Variants in SPEG observed in about 807,000 individuals in gnomAD.
SPEG encodes the protein striated muscle preferentially expressed protein kinase.
SPEG carries 114 observed loss-of-function variants against 300.4 expected under a neutral mutation model. The ratio of observed to expected loss-of-function variants is 0.38; its 90% CI spans 0.33 to 0.44. The LOEUF is 0.44. Among genes scored for constraint, SPEG ranks in the 20% least tolerant of loss-of-function variants. The pLI is 1.00. For missense variants in SPEG, 4,201 were observed against 4,586.2 expected (o/e 0.92, Z 2.43); for synonymous variants, 1,964 against 2,018.9 (o/e 0.97, Z 0.73).
intron 38 of SPEG, among the ~76,000 whole-genome samples, chr2:219,491,252 T>C (rs1693946467): frequency 6.6e-6 from 1 of 152,214 alleles, no homozygotes; most frequent in Non-Finnish European, 1.5e-5. Context: ...GAATCAATTA[T>C]TATTTTATTT....
chr2:219,464,406 G>A lies in SPEG; in HGVS notation c.2706-27G>A. 6.3e-7 allele frequency: 1 copy of A among 1,597,292 alleles called. No homozygotes were observed. The highest frequency in any genetic ancestry group is 8.5e-7 in the Non-Finnish European group (1 of 1,175,234). On this transcript the variant is annotated intron_variant, in intron 8 of 40. Coordinates refer to ENST00000312358, the MANE Select transcript of SPEG (RefSeq NM_005876.5). This position sits in a 1 kb window ranked among gnomAD's most constrained non-coding sequence, Gnocchi z 4.5. ...CACGCACATCAGGCCCCTGGGCCCT[G>A]GGACTGAGTTCTTGCCCCTCTGACA...
In SPEG at chr2:219,435,313, C is replaced by T. The variant is rs1954686477; in HGVS notation, c.336C>T (p.Asn112=). The T allele has an allele frequency of 1.3e-6, 2 of 1,534,468 alleles. No individual in the cohort carries two copies. The highest frequency in any genetic ancestry group is 1.7e-6 in the Non-Finnish European group (2 of 1,147,766). The change falls in exon 1 of 41, where the codon AAC becomes AAT. Residue 112 remains asparagine (N), a synonymous_variant. Coordinates refer to ENST00000312358, the MANE Select transcript of SPEG (RefSeq NM_005876.5). ...GCGTGTACAGCTGCATGGCCCAGAA[C>T]GAGCGGGGCCGGGCCTCCTGCGAGG... ...DAGVYSCMAQ[N]ERGRASCEAV... is the part of the protein sequence containing the mutation.
In SPEG at chr2:219,484,229, G is replaced by T; in HGVS notation, c.6766G>T (p.Gly2256Cys). The change falls in exon 30 of 41, where the codon GGC becomes TGC. Residue 2256 changes from glycine (G) to cysteine (C), a missense_variant. Transcript: ENST00000312358. ...GATCATTCAGTCCCTCCAGCTGTCA[G>T]GCCACGCCCAGGGCCCCTCGCAGGG... Reference protein sequence around the residue: ...AQIIQSLQLSGHAQGPSQGPA... With the variant: ...AQIIQSLQLSCHAQGPSQGPA... 1 of 1,611,964 alleles carries T rather than the reference G, an allele frequency of 6.2e-7. No homozygotes were observed. The highest frequency in any genetic ancestry group is 8.5e-7 in the Non-Finnish European group (1 of 1,179,844).
rs763740486 is a variant in SPEG at position 219,492,714 on chromosome 2, G to A, written c.9732G>A (p.Glu3244=). Residue 3244 remains glutamate (E), a synonymous_variant, in exon 41 of 41, where the codon GAG becomes GAA. Coordinates refer to ENST00000312358, the MANE Select transcript of SPEG (RefSeq NM_005876.5). ...ACCGGCTCAAGGAGTTCCTGGGCGA[G>A]CAGCGGCGGCGCCGGGCTGAGGCTG... ...TTNRLKEFLG[E]QRRRRAEAAT... 6 of 1,604,282 alleles carry A rather than the reference G, an allele frequency of 3.7e-6. No homozygotes were observed. The highest frequency in any genetic ancestry group is 5.1e-6 in the Non-Finnish European group (6 of 1,179,314).
rs370246624 is a variant in SPEG at position 219,447,958 on chromosome 2, C to T, written c.816-16C>T. The T allele has an allele frequency of 1.7e-5, 27 of 1,610,906 alleles. No homozygotes were observed. The highest frequency in any genetic ancestry group is 2.5e-6 in the Non-Finnish European group (3 of 1,178,936). On this transcript the variant is annotated splice_polypyrimidine_tract_variant and intron_variant, in intron 3 of 40. Transcript: ENST00000312358. ...GCCCCCTGAATCCTCTACCCTTCTCCATCTTGGTTCTGCAGCAGCGTCCCT... is the reference window on the plus strand; with the variant it reads ...GCCCCCTGAATCCTCTACCCTTCTCTATCTTGGTTCTGCAGCAGCGTCCCT...
At position 219,477,141 on chromosome 2, in the gene SPEG, C is replaced by G; in HGVS notation, c.4561-136C>G. ...GACTGACTAGCTGAGGGGTGCAGGG[C>G]TTTCTGTGGGAGATAAGGGAGGAGC... On this transcript the variant is annotated intron_variant, in intron 19 of 40. Transcript: ENST00000312358. The surrounding 1 kb of genome is among the most constrained non-coding windows in gnomAD (Gnocchi z 6.4). 1 of 996,782 alleles carries G rather than the reference C, an allele frequency of 1.0e-6. No individual in the cohort carries two copies. The highest frequency in any genetic ancestry group is 1.6e-5 in the South Asian group (1 of 61,466). 61.7% of individuals were successfully genotyped at this position (996,782 alleles called of 1,614,324 possible). A position where few individuals can be genotyped will look rare whatever the true frequency, so the allele number is the denominator to read the frequency against.
chr2:219,469,057 G>T lies in SPEG; in HGVS notation c.3491+9G>T. On this transcript the variant is annotated intron_variant, in intron 12 of 40. Transcript: ENST00000312358. ...GCCGCCTCAGGCCCCAGGTACCACC[G>T]GGGCCCCAAATGATGCTGGGGCTGC... 6.2e-7 allele frequency: 1 copy of T among 1,610,212 alleles called. No homozygotes were observed.
Position 219,479,679 on chromosome 2 carries a change from T to A in SPEG, c.5086-104T>A. 1.9e-6 allele frequency: 2 copies of A among 1,030,394 alleles called. No individual in the cohort carries two copies. The highest frequency in any genetic ancestry group is 3.0e-6 in the Non-Finnish European group (2 of 660,244). The allele number at this position is 1,030,394 out of a possible 1,614,324, so 63.8% of individuals were successfully genotyped here. A position where few individuals can be genotyped will look rare whatever the true frequency, so the allele number is the denominator to read the frequency against. ...CTGTTTCAGCCCCTTCCACGAGCCATCTGAAGGCTACTCCACAGGCACAGC... is the reference window on the plus strand; with the variant it reads ...CTGTTTCAGCCCCTTCCACGAGCCAACTGAAGGCTACTCCACAGGCACAGC... On this transcript the variant is annotated intron_variant, in intron 23 of 40. Transcript: ENST00000312358. The surrounding 1 kb of genome is among the most constrained non-coding windows in gnomAD (Gnocchi z 5.5).
chr2:219,485,305 G>A (rs768980544), intron 30 of SPEG, 41 bp from the exon 31 acceptor site: 1 of 1,586,816 alleles, frequency 6.3e-7, no homozygotes, highest in South Asian at 1.1e-5. Context: ...GAACTTGCTG[G>A]TACTGACTGA....
In SPEG at chr2:219,480,449, C is replaced by G. The variant is rs984567177; in HGVS notation, c.5343-222C>G. Among the ~76,000 whole-genome samples, 1 of 152,148 alleles carries G rather than the reference C, an allele frequency of 6.6e-6. No individual in the cohort carries two copies. The highest frequency in any genetic ancestry group is 2.4e-5 in the African/African-American group (1 of 41,426). On this transcript the variant is annotated intron_variant, in intron 25 of 40. Transcript: ENST00000312358. This position sits in a 1 kb window ranked among gnomAD's most constrained non-coding sequence, Gnocchi z 5.3. ...ATGGTCCCATTGGTTCCCAGGCTTC[C>G]CTGGGCTTCCTGGGCCAGCCCTGCC...
rs762501237 is a variant in SPEG, at chr2:219,443,215, C to A, written c.389-1438C>A. ...ACTCCTCCTCTTGGTCCCTGTCCCT[C>A]TGTGAGGCATCGAGTTCCTGAAGAC... On this transcript the variant is annotated intron_variant, in intron 1 of 40. Transcript: ENST00000312358. This position sits in a 1 kb window ranked among gnomAD's most constrained non-coding sequence, Gnocchi z 4.6. The A allele has an allele frequency of 4.6e-5, 69 of 1,495,694 alleles. No individual in the cohort carries two copies. Among genetic ancestry groups the A allele is most frequent in the Non-Finnish European group, 6.0e-5 (64 of 1,073,050 alleles). 92.7% of individuals were successfully genotyped at this position (1,495,694 alleles called of 1,614,324 possible).
chr2:219,483,819 C>T lies in SPEG; in HGVS notation c.6356C>T (p.Pro2119Leu). 1.9e-6 allele frequency: 3 copies of T among 1,579,838 alleles called. No homozygotes were observed. Among genetic ancestry groups the T allele is most frequent in the Non-Finnish European group, 2.6e-6 (3 of 1,169,796 alleles). Residue 2119 changes from proline (P) to leucine (L), a missense_variant, in exon 30 of 41, where the codon CCA becomes CTA. By Grantham distance (98) the Pro-to-Leu change is moderately conservative. Transcript: ENST00000312358. ...GAGGCAGCGCCCCACCACCAGCCCC[C>T]ACTCGAGAACCGGGGCCTGCAAAAG... ...SSEAAPHHQP[P>L]LENRGLQKSS...
At chr2:219,466,554 G>A in intron 9 of SPEG, 1 of 1,058,452 alleles carries the variant, frequency 9.4e-7, no homozygotes, top group Non-Finnish European at 1.1e-6. Context: ...GCCTTACCAG[G>A]AAGGGTTAGG....
Position 219,464,417 on chromosome 2 carries a change from C to A in SPEG, c.2706-16C>A. On this transcript the variant is annotated splice_polypyrimidine_tract_variant and intron_variant, in intron 8 of 40. Coordinates refer to ENST00000312358, the MANE Select transcript of SPEG (RefSeq NM_005876.5). The surrounding 1 kb of genome is among the most constrained non-coding windows in gnomAD (Gnocchi z 4.5). ...GGCCCCTGGGCCCTGGGACTGAGTT[C>A]TTGCCCCTCTGACAGGCTGAGAAAC... is the stretch of plus-strand genomic sequence containing the variant. 2 of 1,603,466 alleles carry A rather than the reference C, an allele frequency of 1.2e-6. No homozygotes were observed. Among genetic ancestry groups the A allele is most frequent in the South Asian group, 1.1e-5 (1 of 90,444 alleles).
chr2:219,465,984 T>C, intron 9 of SPEG: 2 of 1,307,806 alleles, frequency 1.5e-6, no homozygotes, highest in Admixed American at 1.7e-5. Flanking sequence ...TGTGCATGTG[T>C]GTGTGTGCGC....
Position 219,471,981 on chromosome 2 carries a change from G to A in SPEG, c.3829G>A (p.Val1277Ile), listed in dbSNP as rs1469639272. Residue 1277 changes from valine to isoleucine, a missense_variant, in exon 14 of 41, where the codon GTC (valine) becomes ATC (isoleucine). Val to Ile is a conservative substitution (Grantham distance 29). This residue lies in a region of SPEG where 1,047 missense variants were observed against 1,356.8 expected (regional missense o/e 0.77). Coordinates refer to ENST00000312358, the MANE Select transcript of SPEG (RefSeq NM_005876.5). ...GKAACYAHLYVTDVVPGPPDG... is the reference protein window; with the variant it reads ...GKAACYAHLYITDVVPGPPDG... ...AGCTGCCTGCTATGCCCACCTGTAT[G>A]TCACAGGTGAGGCAGGCACCCTCGT... 1.2e-6 allele frequency: 2 copies of A among 1,612,198 alleles called. No individual in the cohort carries two copies. Among genetic ancestry groups the A allele is most frequent in the African/African-American group, 2.7e-5 (2 of 74,938 alleles).
chr2:219,475,955 C>T (rs1054950146), intron 18 of SPEG, among the ~76,000 whole-genome samples: 7 of 151,616 alleles, frequency 4.6e-5, no homozygotes, highest in African/African-American at 7.2e-5. Flanking sequence ...GGTCCACACC[C>T]GGCCGCCCTG....
chr2:219,485,575 G>T, intron 31 of SPEG, 98 bp downstream of exon 31: 1 of 1,287,160 alleles, frequency 7.8e-7, no homozygotes, highest in South Asian at 1.6e-5. Flanking sequence ...GGGCCACCTT[G>T]ACAAACCTAG....
chr2:219,484,639 C>G lies in SPEG; in HGVS notation c.7176C>G (p.Arg2392=), dbSNP rs911871712. 3.2e-5 allele frequency: 50 copies of G among 1,539,308 alleles called. 1 individual carries two copies. The African/African-American group carries it at 6.2e-4, about 19-fold the overall frequency. Residue 2392 remains arginine, a synonymous_variant, in exon 30 of 41, where the codon CGC becomes CGG. Transcript: ENST00000312358. The stretch of plus-strand genomic sequence containing the variant: ...TGGTGCGACGGCCTGAGCGCTCACG[C>G]TCGGTGCAGGACCTCAGGGCTGTCG... The part of the protein sequence containing the change: ...LELVRRPERS[R]SVQDLRAVGE...
Sources: gnomAD v4.1 joint callset for allele counts (sites outside exome capture counted in the v4.1 genomes callset) on GRCh38, gnomAD v4.1.1 for gene constraint, gnomAD v4.1.1 regional missense constraint, Gnocchi (gnomAD v3.1) non-coding constraint, MANE v1.5 for transcripts, NCBI Gene and HGNC (gene_info 2026-07-23, HGNC 2026-07-21) for gene names.